The following TM4SF18 variants were observed in gnomAD, a reference collection of about 807,000 sequenced individuals.
The protein encoded by TM4SF18 is transmembrane 4 L six family member 18, also known as transmembrane 4 L6 family member 18.
Under a neutral mutation model 23.8 loss-of-function variants are expected in TM4SF18, and 22 were observed. The ratio of observed to expected loss-of-function variants is 0.92; its 90% confidence interval spans 0.66 to 1.32. The LOEUF (loss-of-function observed/expected upper bound fraction) is 1.32. Ranked by LOEUF, TM4SF18 falls within the 40% of genes most tolerant of loss-of-function variation. The probability of loss-of-function intolerance (pLI) is 0.00; values close to 1 mark genes in which losing one functional copy is unlikely to be tolerated. For missense variants in TM4SF18, 255 were observed against 240.3 expected (o/e 1.06, Z -0.41); for synonymous variants, 87 against 87.9 (o/e 0.99, Z 0.06).
chr3:149,326,911 G>A (rs1004693105), intron 3 of TM4SF18, among the ~76,000 whole-genome samples: 2 of 151,962 alleles, frequency 1.3e-5, no homozygotes, highest in Non-Finnish European at 2.9e-5. Context: ...AGCTTACCCT[G>A]CCATAGACCT....
At position 149,330,921 on chromosome 3, in the gene TM4SF18, A is replaced by G. The variant is rs564493306; in HGVS notation, c.178-502T>C. Among the ~76,000 whole-genome samples the G allele has an allele frequency of 3.9e-5, 6 of 152,296 alleles. No homozygotes were observed. The East Asian group carries it at 7.7e-4, about 20-fold the overall frequency. ...TCTTTAAAGTGACTTCAATTTCCCC[A>G]TGCATTCAAACCATCTCAGGTTTAA... On this transcript the variant is annotated intron_variant, in intron 2 of 5. Coordinates refer to ENST00000296059, the MANE Select transcript of TM4SF18 (RefSeq NM_138786.4).
chr3:149,322,426 C>A lies in TM4SF18; in HGVS notation c.421G>T (p.Asp141Tyr), dbSNP rs1236827805. The A allele has an allele frequency of 3.1e-6, 5 of 1,613,222 alleles. No homozygotes were observed. The South Asian group carries it at 5.5e-5, about 18-fold the overall frequency. Residue 141 changes from aspartate (D) to tyrosine (Y), a missense_variant, in exon 5 of 6, where the codon GAT (aspartate) becomes TAT (tyrosine). Asp to Tyr is a radical substitution (Grantham distance 160). Coordinates refer to ENST00000296059, the MANE Select transcript of TM4SF18 (RefSeq NM_138786.4). ...FEGTAGRFLT[D>Y]SSIWIQCLEP... ...AGGCACTGAATCCATATGCTAGAAT[C>A]TGTAAGGAAACTGAGAGAGACCCAT...
In TM4SF18 at chr3:149,320,998, C is replaced by T. The variant is rs1186870156; in HGVS notation, c.*480G>A. ...GTAGCATTATTCATAATTTTAAAAA[C>T]ATCATTTGTAATGACTGTAATTTTA... On this transcript the variant is annotated 3_prime_UTR_variant, in exon 6 of 6. Coordinates refer to ENST00000296059, the MANE Select transcript of TM4SF18 (RefSeq NM_138786.4). 6.6e-6 allele frequency: 1 copy of T among 152,026 alleles called. No homozygotes were observed. The highest frequency in any genetic ancestry group is 1.9e-4 in the East Asian group (1 of 5,196). The allele number at this position is 152,026 out of a possible 1,614,324, so 9.4% of individuals were successfully genotyped here. A position where few individuals can be genotyped will look rare whatever the true frequency, so the allele number is the denominator to read the frequency against.
Position 149,324,114 on chromosome 3 carries a change from T to C in TM4SF18, c.410+766A>G, listed in dbSNP as rs928282583. On this transcript the variant is annotated intron_variant, in intron 4 of 5. Transcript: ENST00000296059. ...CAGACATTCCCTCATTTTACTCCAT[T>C]AGAATTCTGGACCTCTTCTGTATTT... Among the ~76,000 whole-genome samples, 3 of 152,320 alleles carry C rather than the reference T, an allele frequency of 2.0e-5. No homozygotes were observed. The South Asian group carries it at 6.2e-4, about 32-fold the overall frequency.
rs1280340178 is a variant in TM4SF18 at position 149,322,290 on chromosome 3, T to C, written c.557A>G (p.Lys186Arg). 1.9e-6 allele frequency: 3 copies of C among 1,614,000 alleles called. No homozygotes were observed. The highest frequency in any genetic ancestry group is 1.7e-6 in the Non-Finnish European group (2 of 1,179,964). ...CACTGAATAGCTTCCACACAGTATC[T>C]TGGATAGTTGCATGACTACTCTGAT... ...CLIRVVMQLS[K>R]ILCGSYSVIF... The change falls in exon 5 of 6, where the codon AAG becomes AGG. Residue 186 changes from lysine (K) to arginine (R), a missense_variant. Coordinates refer to ENST00000296059, the MANE Select transcript of TM4SF18 (RefSeq NM_138786.4).
Position 149,321,367 on chromosome 3 carries a change from C to T in TM4SF18, c.*111G>A. 1 of 785,926 alleles carries T rather than the reference C, an allele frequency of 1.3e-6. No homozygotes were observed. The highest frequency in any genetic ancestry group is 1.9e-6 in the Non-Finnish European group (1 of 518,384). The allele number at this position is 785,926 out of a possible 1,614,324, so 48.7% of individuals were successfully genotyped here. On this transcript the variant is annotated 3_prime_UTR_variant, in exon 6 of 6. Coordinates refer to ENST00000296059, the MANE Select transcript of TM4SF18 (RefSeq NM_138786.4). ...GGACTGCAAATTTTTTACAAATAAA[C>T]ACCAAATGCAGAAAGCACCATCATT...
At position 149,333,620 on chromosome 3, in the gene TM4SF18, A is replaced by G. The variant is rs1011092551; in HGVS notation, c.-125T>C. 1.0e-5 allele frequency: 4 copies of G among 386,818 alleles called. No homozygotes were observed. The highest frequency in any genetic ancestry group is 3.7e-5 in the East Asian group (1 of 26,842). The allele number at this position is 386,818 out of a possible 1,614,324, so 24.0% of individuals were successfully genotyped here. A position where few individuals can be genotyped will look rare whatever the true frequency, so the allele number is the denominator to read the frequency against. On this transcript the variant is annotated 5_prime_UTR_variant, in exon 1 of 6. Transcript: ENST00000296059. ...TGAAATACTGGTTTACTGTTTGGAGAACAATAGACAATGATCAACAACTGA... is the reference window on the plus strand; with the variant it reads ...TGAAATACTGGTTTACTGTTTGGAGGACAATAGACAATGATCAACAACTGA...
intron 3 of TM4SF18, among the ~76,000 whole-genome samples, chr3:149,325,718 T>C (rs1022115146): frequency 5.9e-5 from 9 of 152,138 alleles, no homozygotes; most frequent in African/African-American, 2.2e-4. Flanking sequence ...AGCCCTTGAG[T>C]AGCTTAAAAA....
intron 3 of TM4SF18, 159 bp downstream of exon 3, chr3:149,330,171 T>C: frequency 2.4e-6 from 1 of 408,694 alleles, no homozygotes; most frequent in East Asian, 3.6e-5. Context: ...GAGGAAAGAC[T>C]AAGCAAAATG....
Position 149,319,809 on chromosome 3 carries a change from G to A in TM4SF18, c.*1669C>T. The A allele has an allele frequency of 6.6e-6, 1 of 152,338 alleles. No individual in the cohort carries two copies. The highest frequency in any genetic ancestry group is 2.4e-5 in the African/African-American group (1 of 41,568). The allele number at this position is 152,338 out of a possible 1,614,324, so 9.4% of individuals were successfully genotyped here. A position where few individuals can be genotyped will look rare whatever the true frequency, so the allele number is the denominator to read the frequency against. On this transcript the variant is annotated 3_prime_UTR_variant, in exon 6 of 6. Coordinates refer to ENST00000296059, the MANE Select transcript of TM4SF18 (RefSeq NM_138786.4). ...ATTTTTTGATGGTAATGGTCCGGTT[G>A]CTTCATTCTTGGCTTCCTAGTTCAA...
chr3:149,331,213 A>G (rs1731079566), intron 2 of TM4SF18, among the ~76,000 whole-genome samples: 1 of 152,154 alleles, frequency 6.6e-6, no homozygotes, highest in African/African-American at 2.4e-5. Context: ...TACTCTTCGT[A>G]GCCAATGTTT....
chr3:149,319,508 A>C lies in TM4SF18; in HGVS notation c.*1970T>G, dbSNP rs1373230858. The C allele has an allele frequency of 6.6e-6, 1 of 152,230 alleles. No individual in the cohort carries two copies. Among genetic ancestry groups the C allele is most frequent in the African/African-American group, 2.4e-5 (1 of 41,450 alleles). 9.4% of individuals were successfully genotyped at this position (152,230 alleles called of 1,614,324 possible). A position where few individuals can be genotyped will look rare whatever the true frequency, so the allele number is the denominator to read the frequency against. On this transcript the variant is annotated 3_prime_UTR_variant, in exon 6 of 6. Coordinates refer to ENST00000296059, the MANE Select transcript of TM4SF18 (RefSeq NM_138786.4). ...ATCCCTCCAACCCAACATCTAGAAAAGGGAGACTTCATTTGGATCGTTTTA... is the reference window on the plus strand; with the variant it reads ...ATCCCTCCAACCCAACATCTAGAAACGGGAGACTTCATTTGGATCGTTTTA...
intron 1 of TM4SF18, 52 bp from the exon 2 acceptor site, chr3:149,333,451 C>T: frequency 8.9e-7 from 1 of 1,121,044 alleles, no homozygotes; most frequent in Non-Finnish European, 1.2e-6. Flanking sequence ...TTTTCTTCTT[C>T]CTACCTGACC....
At chr3:149,323,081 G>A (rs1025479550) in intron 4 of TM4SF18, among the ~76,000 whole-genome samples, 1 of 151,896 alleles carries the variant, frequency 6.6e-6, no homozygotes, top group African/African-American at 2.4e-5. Context: ...TATTTTTTTA[G>A]TAGAGACGGG....
intron 1 of TM4SF18, 45 bp downstream of exon 1, chr3:149,333,468 T>TCTC: frequency 4.8e-6 from 2 of 416,514 alleles, no homozygotes; most frequent in Middle Eastern, 5.2e-4. Flanking sequence ...GACCTTTTTT[T>TCTC]TCTCTCTCTC....
intron 2 of TM4SF18, among the ~76,000 whole-genome samples, chr3:149,332,358 C>T (rs552801415): frequency 6.6e-6 from 1 of 152,282 alleles, no homozygotes; most frequent in East Asian, 1.9e-4. Context: ...GATTAGCTTA[C>T]AGTCCATAAT....
chr3:149,332,266 C>G (rs1363423385), intron 2 of TM4SF18, among the ~76,000 whole-genome samples: 1 of 152,060 alleles, frequency 6.6e-6, no homozygotes, highest in East Asian at 1.9e-4. Context: ...TACAACACAG[C>G]TATTCAAATA....
chr3:149,324,596 A>G (rs1730890299), intron 4 of TM4SF18, among the ~76,000 whole-genome samples: 1 of 152,192 alleles, frequency 6.6e-6, no homozygotes, highest in Non-Finnish European at 1.5e-5. Context: ...TAACCACACA[A>G]CTTTAATCTG....
chr3:149,324,446 C>T (rs1730886342), intron 4 of TM4SF18, among the ~76,000 whole-genome samples: 1 of 152,102 alleles, frequency 6.6e-6, no homozygotes, highest in African/African-American at 2.4e-5. Context: ...TGGCACCATC[C>T]AAGAGCACCA....
Sources: allele counts gnomAD v4.1 joint callset (sites outside exome capture counted in the v4.1 genomes callset), GRCh38; gene constraint gnomAD v4.1.1; transcripts MANE v1.5; gene names NCBI Gene and HGNC (gene_info 2026-07-23, HGNC 2026-07-21).